Variants in SLC7A14 observed in about 807,000 individuals in gnomAD.
SLC7A14 encodes solute carrier family 7 member 14, also known as gamma-aminobutyric acid transporter SLC7A14.
A neutral mutation model predicts 60.2 loss-of-function variants in SLC7A14; 37 were observed. That is an observed-to-expected ratio of 0.61 (90% CI 0.47 to 0.81). The LOEUF (loss-of-function observed/expected upper bound fraction) is 0.81. Among genes scored for constraint, SLC7A14 ranks in the 30% least tolerant of loss-of-function variants. SLC7A14 has a pLI of 0.00. For missense variants in SLC7A14, 886 were observed against 982.7 expected (o/e 0.90, Z 1.32); for synonymous variants, 399 against 395.8 (o/e 1.01, Z -0.10).
At chr3:170,554,175 G>A (rs964316733) in intron 1 of SLC7A14, among the ~76,000 whole-genome samples, 1 of 152,164 alleles carries the variant, frequency 6.6e-6, no homozygotes, top group African/African-American at 2.4e-5. Context: ...TAAATGTTGA[G>A]ACATTTGCCA....
chr3:170,519,712 G>T (rs1053439994), intron 2 of SLC7A14, among the ~76,000 whole-genome samples: 1 of 152,176 alleles, frequency 6.6e-6, no homozygotes. Flanking sequence ...GGAGGTGTAG[G>T]TTGCAGTGAG....
At position 170,463,724 on chromosome 3, in the gene SLC7A14, T is replaced by TA. The variant is rs1739653769; in HGVS notation, c.*3330dup. On this transcript the variant is annotated 3_prime_UTR_variant, in exon 8 of 8. Transcript: ENST00000231706. Reference sequence around the variant, plus strand: ...TTAAGAGCTGGATTTTTATCTGACTTACGATATCAATATCTGCCATAGTAC... The same window carrying TA: ...TTAAGAGCTGGATTTTTATCTGACTTAACGATATCAATATCTGCCATAGTAC... 1 of 151,786 alleles carries TA rather than the reference T, an allele frequency of 6.6e-6. No homozygotes were observed. Among genetic ancestry groups the TA allele is most frequent in the East Asian group, 1.9e-4 (1 of 5,198 alleles). The allele number at this position is 151,786 out of a possible 1,614,324, so 9.4% of individuals were successfully genotyped here.
intron 1 of SLC7A14, among the ~76,000 whole-genome samples, chr3:170,554,264 G>A (rs936866223): frequency 4.6e-5 from 7 of 152,194 alleles, no homozygotes; most frequent in African/African-American, 1.7e-4. Context: ...ATCTTCCACT[G>A]CACAGCCATG....
chr3:170,526,565 A>AG, intron 2 of SLC7A14, 68 bp downstream of exon 2: 1 of 1,548,012 alleles, frequency 6.5e-7, no homozygotes, highest in Non-Finnish European at 8.8e-7. Context: ...CTCCGGAGAA[A>AG]GGGGATGAAC....
chr3:170,497,087 C>CAAAAAAAAAAAAAAAAAAAAAAAAA (rs548290941), intron 4 of SLC7A14, among the ~76,000 whole-genome samples: 25 of 94,212 alleles, frequency 2.7e-4, no homozygotes, highest in Non-Finnish European at 4.2e-4. Context: ...TTATTTTGTC[C>CAAAAAAAAAAAAAAAAAAAAAAAAA]AAAAAAAAAA....
intron 2 of SLC7A14, among the ~76,000 whole-genome samples, chr3:170,513,174 G>A (rs1312994277): frequency 3.3e-5 from 5 of 151,766 alleles, no homozygotes; most frequent in African/African-American, 4.9e-5. Flanking sequence ...TGGATACACT[G>A]GGGGGCTTCT....
At chr3:170,549,505 C>A (rs1422699748) in intron 1 of SLC7A14, among the ~76,000 whole-genome samples, 1 of 152,220 alleles carries the variant, frequency 6.6e-6, no homozygotes, top group East Asian at 1.9e-4. Context: ...TGAGCCACCA[C>A]GCCCAGCCTT....
intron 1 of SLC7A14, among the ~76,000 whole-genome samples, chr3:170,581,193 A>G (rs1715224063): frequency 6.6e-6 from 1 of 152,214 alleles, no homozygotes; most frequent in Non-Finnish European, 1.5e-5. Context: ...CAATGCATGA[A>G]ATAGAATTAT....
intron 2 of SLC7A14, among the ~76,000 whole-genome samples, chr3:170,516,384 C>T (rs560635425): frequency 9.2e-5 from 14 of 152,098 alleles, no homozygotes; most frequent in Admixed American, 2.6e-4. Context: ...CCCCAATAAA[C>T]GTGAGCGTTC....
At chr3:170,481,918 T>C (rs2108269566) in intron 6 of SLC7A14, among the ~76,000 whole-genome samples, 1 of 152,268 alleles carries the variant, frequency 6.6e-6, no homozygotes, top group Middle Eastern at 3.4e-3. Context: ...TTGTTAGAAA[T>C]GTATATTCTC....
intron 4 of SLC7A14, among the ~76,000 whole-genome samples, chr3:170,488,975 A>G (rs569048900): frequency 4.3e-4 from 65 of 151,624 alleles, no homozygotes; most frequent in Non-Finnish European, 7.8e-4. Flanking sequence ...TTCAAACGCA[A>G]TCATAGGCTG....
intron 4 of SLC7A14, among the ~76,000 whole-genome samples, chr3:170,488,066 A>C (rs1712090748): frequency 1.3e-5 from 2 of 152,194 alleles, no homozygotes; most frequent in Admixed American, 1.3e-4. Flanking sequence ...TTACAATATA[A>C]AAATAAAATA....
intron 4 of SLC7A14, among the ~76,000 whole-genome samples, chr3:170,491,439 A>G (rs1383846664): frequency 6.7e-6 from 1 of 148,590 alleles, no homozygotes; most frequent in Non-Finnish European, 1.5e-5. Flanking sequence ...AGGTTCTACC[A>G]CATTAGGCAG....
At chr3:170,550,120 T>A (rs1387103990) in intron 1 of SLC7A14, among the ~76,000 whole-genome samples, 3 of 152,254 alleles carry the variant, frequency 2.0e-5, no homozygotes, top group Non-Finnish European at 4.4e-5. Context: ...TAATGCCACC[T>A]TTTTAACAGC....
At chr3:170,571,228 T>C (rs1386689262) in intron 1 of SLC7A14, among the ~76,000 whole-genome samples, 1 of 152,192 alleles carries the variant, frequency 6.6e-6, no homozygotes, top group Non-Finnish European at 1.5e-5. Context: ...TGCTTTGGGG[T>C]AATCAAACAA....
At chr3:170,551,693 A>G (rs977421286) in intron 1 of SLC7A14, among the ~76,000 whole-genome samples, 1 of 152,208 alleles carries the variant, frequency 6.6e-6, no homozygotes, top group African/African-American at 2.4e-5. Flanking sequence ...CATACCTTTG[A>G]AGAAATATCT....
Position 170,569,260 on chromosome 3 carries a change from T to C in SLC7A14, c.-153+16651A>G, listed in dbSNP as rs552399576. 4.5e-3 allele frequency among the ~76,000 whole-genome samples: 684 copies of C among 152,012 alleles called. 1 individual carries two copies. Among genetic ancestry groups the C allele is most frequent in the Non-Finnish European group, 5.9e-3 (401 of 67,854 alleles). On this transcript the variant is annotated intron_variant, in intron 1 of 7. Transcript: ENST00000231706. ...TGTCAAAGGCCTTTTCTGCATCTAT[T>C]GAGATAATCATGTGGTTTTTGTCTT...
chr3:170,580,513 T>C (rs1165398654), intron 1 of SLC7A14, among the ~76,000 whole-genome samples: 15 of 152,252 alleles, frequency 9.9e-5, no homozygotes, highest in Admixed American at 9.8e-4. Flanking sequence ...ACAGCTTCGC[T>C]TATTTTTCCT....
At chr3:170,501,460 C>T in intron 2 of SLC7A14, 115 bp from the exon 3 acceptor site, 1 of 849,264 alleles carries the variant, frequency 1.2e-6, no homozygotes, top group Non-Finnish European at 1.9e-6. Context: ...AACAAATACA[C>T]AAAGTTTTAT....
Sources: allele counts gnomAD v4.1 joint callset (sites outside exome capture counted in the v4.1 genomes callset), GRCh38; gene constraint gnomAD v4.1.1; transcripts MANE v1.5; gene names NCBI Gene and HGNC (gene_info 2026-07-23, HGNC 2026-07-21).